HRH4: variants seen among roughly 807,000 people sequenced by gnomAD.
HRH4 encodes the protein histamine receptor H4, also known as histamine H4 receptor.
A neutral mutation model predicts 10.4 loss-of-function variants in HRH4; 12 were observed. The ratio of observed to expected loss-of-function variants is 1.15; its 90% confidence interval spans 0.74 to 1.87. The LOEUF is 1.87. Ranked by LOEUF, HRH4 falls within the 40% of genes most tolerant of loss-of-function variation. The pLI is 0.00. For synonymous variants in HRH4, 154 were observed against 166.6 expected, an observed-to-expected ratio of 0.92 and a Z score of 0.58; for missense variants, 415 against 453.3, an observed-to-expected ratio of 0.92 and a Z score of 0.77.
Position 24,468,792 on chromosome 18 carries a change from G to A in HRH4, c.198G>A (p.Val66=), listed in dbSNP as rs369391722. ...ACTTATGTTTTCCCTGTGCAGGTGTGATCTCCATTCCTTTGTACATCCCTC... is the reference window on the plus strand; with the variant it reads ...ACTTATGTTTTCCCTGTGCAGGTGTAATCTCCATTCCTTTGTACATCCCTC... ...NLAISDFFVG[V]ISIPLYIPHT... Residue 66 remains valine (V), a synonymous_variant, in exon 2 of 3, where the codon GTG becomes GTA. Transcript: ENST00000256906. 3 of 1,611,668 alleles carry A rather than the reference G, an allele frequency of 1.9e-6. No homozygotes were observed. Among genetic ancestry groups the A allele is most frequent in the Non-Finnish European group, 2.5e-6 (3 of 1,179,206 alleles).
Position 24,468,811 on chromosome 18 carries a change from A to C in HRH4, c.217A>C (p.Ile73Leu), listed in dbSNP as rs779410233. ...FVGVISIPLY[I>L]PHTLFEWDFG... ...AGGTGTGATCTCCATTCCTTTGTAC[A>C]TCCCTCACACGCTGTTCGAATGGGA... is the stretch of plus-strand genomic sequence containing the variant. Residue 73 changes from isoleucine to leucine, a missense_variant, in exon 2 of 3, where the codon ATC becomes CTC. By Grantham distance (5) the Ile-to-Leu change is conservative. Coordinates refer to ENST00000256906, the MANE Select transcript of HRH4 (RefSeq NM_021624.4). The C allele has an allele frequency of 2.5e-6, 4 of 1,613,668 alleles. No homozygotes were observed. The South Asian group carries it at 4.4e-5, about 18-fold the overall frequency.
At chr18:24,476,664 C>G in intron 2 of HRH4, 83 bp from the exon 3 acceptor site, 1 of 1,075,716 alleles carries the variant, frequency 9.3e-7, no homozygotes, top group Non-Finnish European at 1.4e-6. Context: ...TTGCACATCC[C>G]TGAAATTTCT....
Position 24,477,856 on chromosome 18 carries a change from C to G in HRH4, c.*294C>G. On this transcript the variant is annotated 3_prime_UTR_variant, in exon 3 of 3. Coordinates refer to ENST00000256906, the MANE Select transcript of HRH4 (RefSeq NM_021624.4). ...TTCTTTCTATGTTCCATGCATAATACAGTCTTAAGTGAATTTCTCTTTTTT... is the reference window on the plus strand; with the variant it reads ...TTCTTTCTATGTTCCATGCATAATAGAGTCTTAAGTGAATTTCTCTTTTTT... 3.9e-6 allele frequency: 1 copy of G among 257,896 alleles called. No individual in the cohort carries two copies. Among genetic ancestry groups the G allele is most frequent in the Non-Finnish European group, 7.3e-6 (1 of 136,196 alleles). 16.0% of individuals were successfully genotyped at this position (257,896 alleles called of 1,614,324 possible). A position where few individuals can be genotyped will look rare whatever the true frequency, so the allele number is the denominator to read the frequency against.
chr18:24,479,528 A>C lies in HRH4; in HGVS notation c.*1966A>C, dbSNP rs1352268704. 2 of 152,220 alleles carry C rather than the reference A, an allele frequency of 1.3e-5. No individual in the cohort carries two copies. Among genetic ancestry groups the C allele is most frequent in the African/African-American group, 4.8e-5 (2 of 41,442 alleles). 9.4% of individuals were successfully genotyped at this position (152,220 alleles called of 1,614,324 possible). A position where few individuals can be genotyped will look rare whatever the true frequency, so the allele number is the denominator to read the frequency against. On this transcript the variant is annotated 3_prime_UTR_variant, in exon 3 of 3. Coordinates refer to ENST00000256906, the MANE Select transcript of HRH4 (RefSeq NM_021624.4). Reference sequence around the variant, plus strand: ...CAGTGGCATGCTCTCAGCTCACTGCAGCCCTGACTGCCTAGGCTCCAGCAA... The same window carrying C: ...CAGTGGCATGCTCTCAGCTCACTGCCGCCCTGACTGCCTAGGCTCCAGCAA...
chr18:24,475,167 G>T (rs1599780298), intron 2 of HRH4, among the ~76,000 whole-genome samples: 1 of 152,146 alleles, frequency 6.6e-6, no homozygotes, highest in East Asian at 1.9e-4. Context: ...CTCACTCATA[G>T]AATCTCATTT....
At position 24,468,871 on chromosome 18, in the gene HRH4, A is replaced by G. The variant is rs771552631; in HGVS notation, c.277A>G (p.Thr93Ala). The part of the protein sequence containing the change: ...GKEICVFWLT[T>A]DYLLCTASVY... The stretch of plus-strand genomic sequence containing the variant: ...GGAAATCTGTGTATTTTGGCTCACT[A>G]CTGACTATCTGTTATGTACAGCATC... Residue 93 changes from threonine (T) to alanine (A), a missense_variant, in exon 2 of 3, where the codon ACT (threonine) becomes GCT (alanine). Transcript: ENST00000256906. 2.0e-5 allele frequency: 32 copies of G among 1,613,126 alleles called. No homozygotes were observed. Among genetic ancestry groups the G allele is most frequent in the Admixed American group, 3.3e-5 (2 of 60,000 alleles).
In HRH4 at chr18:24,477,768, C is replaced by T. The variant is rs946466889; in HGVS notation, c.*206C>T. 5.2e-5 allele frequency: 22 copies of T among 423,830 alleles called. No homozygotes were observed. The highest frequency in any genetic ancestry group is 6.2e-4 in the Middle Eastern group (1 of 1,622). 26.3% of individuals were successfully genotyped at this position (423,830 alleles called of 1,614,324 possible). On this transcript the variant is annotated 3_prime_UTR_variant, in exon 3 of 3. Coordinates refer to ENST00000256906, the MANE Select transcript of HRH4 (RefSeq NM_021624.4). ...ATAATAGTACTATATTCTTCTTAGT[C>T]CTCACCTCTTCCTTGTCTTTTAGAT...
intron 2 of HRH4, among the ~76,000 whole-genome samples, chr18:24,476,417 G>C (rs143357080): frequency 1.4e-4 from 21 of 152,296 alleles, no homozygotes; most frequent in Admixed American, 3.3e-4. Flanking sequence ...GTGGTAAGGT[G>C]CGTCCAACTT....
intron 1 of HRH4, among the ~76,000 whole-genome samples, chr18:24,468,392 A>G (rs1909836371): frequency 6.6e-6 from 1 of 152,200 alleles, no homozygotes; most frequent in Non-Finnish European, 1.5e-5. Flanking sequence ...ACCAAAGACA[A>G]TGTGAGTGCT....
intron 2 of HRH4, among the ~76,000 whole-genome samples, chr18:24,471,606 C>CAAAAAAAAA (rs60730879): frequency 1.8e-4 from 9 of 51,396 alleles, no homozygotes; most frequent in African/African-American, 6.4e-4. Flanking sequence ...GACTCCATCT[C>CAAAAAAAAA]AAAAAAAAAA....
intron 2 of HRH4, among the ~76,000 whole-genome samples, chr18:24,474,012 A>T (rs1910059592): frequency 6.6e-6 from 1 of 152,196 alleles, no homozygotes; most frequent in Non-Finnish European, 1.5e-5. Flanking sequence ...TATCTTTCAA[A>T]TATGCTCCCC....
At chr18:24,469,202 A>G (rs949062761) in intron 2 of HRH4, among the ~76,000 whole-genome samples, 14 of 152,238 alleles carry the variant, frequency 9.2e-5, no homozygotes, top group Non-Finnish European at 1.5e-4. Context: ...CCCAACTGGT[A>G]TACTAAGTCT....
At position 24,477,051 on chromosome 18, in the gene HRH4, C is replaced by T. The variant is rs748989538; in HGVS notation, c.662C>T (p.Ser221Phe). 1 of 1,614,198 alleles carries T rather than the reference C, an allele frequency of 6.2e-7. No homozygotes were observed. The highest frequency in any genetic ancestry group is 8.5e-7 in the Non-Finnish European group (1 of 1,180,024). Residue 221 changes from serine (S) to phenylalanine (F), a missense_variant, in exon 3 of 3, where the codon TCC becomes TTC. Ser to Phe is a radical substitution (Grantham distance 155). Transcript: ENST00000256906. ...CATCCTGGACTGACTGCTGTCTCTT[C>T]CAACATCTGTGGACACTCATTCAGA... ...QSHPGLTAVSSNICGHSFRGR... is the reference protein window; with the variant it reads ...QSHPGLTAVSFNICGHSFRGR...
At chr18:24,461,532 C>G (rs554865172) in intron 1 of HRH4, among the ~76,000 whole-genome samples, 1 of 152,086 alleles carries the variant, frequency 6.6e-6, no homozygotes, top group Non-Finnish European at 1.5e-5. Context: ...TAATTTTTCA[C>G]TGCCTGATGC....
At chr18:24,471,561 T>G (rs1428058187) in intron 2 of HRH4, among the ~76,000 whole-genome samples, 1 of 123,644 alleles carries the variant, frequency 8.1e-6, no homozygotes, top group Non-Finnish European at 1.6e-5. Context: ...GAGCTGAGAT[T>G]GCACCATTGT....
rs1339208712 is a variant in HRH4, at chr18:24,469,075, C to G, written c.357+124C>G. 7.3e-6 allele frequency: 5 copies of G among 681,282 alleles called. No homozygotes were observed. In the African/African-American group the frequency reaches 9.2e-5, roughly 13 times the overall value. 42.2% of individuals were successfully genotyped at this position (681,282 alleles called of 1,614,324 possible). A position where few individuals can be genotyped will look rare whatever the true frequency, so the allele number is the denominator to read the frequency against. ...TCGACAGGCCTTAGAGGAACCCTAT[C>G]CTTTTGTTGTCTGGCATAAAGTTCT... On this transcript the variant is annotated intron_variant, in intron 2 of 2. Coordinates refer to ENST00000256906, the MANE Select transcript of HRH4 (RefSeq NM_021624.4).
rs540071572 is a variant in HRH4, at chr18:24,477,622, G to A, written c.*60G>A. 10 of 1,196,486 alleles carry A rather than the reference G, an allele frequency of 8.4e-6. No individual in the cohort carries two copies. Among genetic ancestry groups the A allele is most frequent in the African/African-American group, 7.6e-5 (5 of 65,652 alleles). 74.1% of individuals were successfully genotyped at this position (1,196,486 alleles called of 1,614,324 possible). A position where few individuals can be genotyped will look rare whatever the true frequency, so the allele number is the denominator to read the frequency against. ...AATCTCACCTAAATGAATCAGGTCT[G>A]CCCTTTATCTTGCCCTTTTCATTCT... On this transcript the variant is annotated 3_prime_UTR_variant, in exon 3 of 3. Transcript: ENST00000256906.
intron 2 of HRH4, 90 bp from the exon 3 acceptor site, chr18:24,476,657 C>G (rs1046331921): frequency 2.0e-6 from 2 of 992,842 alleles, no homozygotes; most frequent in Admixed American, 2.2e-5. Flanking sequence ...CCATCCTTTG[C>G]ACATCCCTGA....
Position 24,460,752 on chromosome 18 carries a change from C to T in HRH4, c.24C>T (p.Ile8=). Residue 8 remains isoleucine (I), a synonymous_variant, in exon 1 of 3, where the codon ATC becomes ATT. Transcript: ENST00000256906. The part of the protein sequence containing the change: MPDTNST[I]NLSLSTRVTL... ...TGATGCCAGATACTAATAGCACAAT[C>T]AATTTATCACTAAGCACTCGTGTTA... 6.6e-7 allele frequency: 1 copy of T among 1,519,882 alleles called. No individual in the cohort carries two copies. Among genetic ancestry groups the T allele is most frequent in the Non-Finnish European group, 8.9e-7 (1 of 1,119,526 alleles). 94.1% of individuals were successfully genotyped at this position (1,519,882 alleles called of 1,614,324 possible). A position where few individuals can be genotyped will look rare whatever the true frequency, so the allele number is the denominator to read the frequency against.
Sources: gnomAD v4.1 joint callset for allele counts (sites outside exome capture counted in the v4.1 genomes callset) on GRCh38, gnomAD v4.1.1 for gene constraint, MANE v1.5 for transcripts, NCBI Gene and HGNC (gene_info 2026-07-23, HGNC 2026-07-21) for gene names.